The following LDB2 variants were observed in gnomAD, a reference collection of about 807,000 sequenced individuals.
LDB2 encodes LIM domain binding 2.
In LDB2, 12 loss-of-function variants were observed where a neutral mutation model predicts 44.3. That is an observed-to-expected ratio of 0.27 (90% CI 0.17 to 0.44). LDB2 has a LOEUF of 0.44. LDB2 is among the 20% of genes least tolerant of loss of function. The pLI is 1.00. For missense variants in LDB2, 344 were observed against 473.5 expected, an observed-to-expected ratio of 0.73 and a Z score of 2.54; for synonymous variants, 164 against 174.8, an observed-to-expected ratio of 0.94 and a Z score of 0.49.
intron 2 of LDB2, among the ~76,000 whole-genome samples, chr4:16,622,611 G>A (rs1250754612): frequency 6.6e-6 from 1 of 152,164 alleles, no homozygotes; most frequent in Non-Finnish European, 1.5e-5. Flanking sequence ...ACTATTAAGG[G>A]GTTTGAGCAA....
chr4:16,869,315 A>AC (rs1223749285), intron 1 of LDB2, among the ~76,000 whole-genome samples: 3 of 151,808 alleles, frequency 2.0e-5, no homozygotes. Context: ...TAAAAAAAAA[A>AC]AAAACTCAGA....
chr4:16,881,409 G>A (rs1192378209), intron 1 of LDB2, among the ~76,000 whole-genome samples: 3 of 152,204 alleles, frequency 2.0e-5, no homozygotes, highest in African/African-American at 7.2e-5. Context: ...TGGGACTAGC[G>A]ATTGGTAAGT....
intron 2 of LDB2, among the ~76,000 whole-genome samples, chr4:16,724,928 T>C (rs932380802): frequency 6.6e-6 from 1 of 152,124 alleles, no homozygotes; most frequent in African/African-American, 2.4e-5. Flanking sequence ...TTTAGAAGCA[T>C]AGGAAGGTTA....
At chr4:16,872,844 A>G (rs1717103464) in intron 1 of LDB2, among the ~76,000 whole-genome samples, 1 of 152,256 alleles carries the variant, frequency 6.6e-6, no homozygotes, top group Non-Finnish European at 1.5e-5. Flanking sequence ...AAGATCAGAA[A>G]ATATGTTTCC....
intron 2 of LDB2, among the ~76,000 whole-genome samples, chr4:16,684,605 G>A (rs959938612): frequency 4.6e-5 from 7 of 152,164 alleles, no homozygotes; most frequent in African/African-American, 1.7e-4. Context: ...TCTAGATAGC[G>A]AAACCTTGTT....
intron 5 of LDB2, among the ~76,000 whole-genome samples, chr4:16,515,491 C>T (rs1420288521): frequency 3.3e-5 from 5 of 152,172 alleles, no homozygotes; most frequent in African/African-American, 9.7e-5. Flanking sequence ...ACTTCATTGC[C>T]TTTCCAAGCC....
intron 1 of LDB2, among the ~76,000 whole-genome samples, chr4:16,801,027 G>T (rs1777727914): frequency 6.6e-6 from 1 of 152,156 alleles, no homozygotes; most frequent in East Asian, 1.9e-4. Flanking sequence ...ATGGGACACT[G>T]TCCCCATACT....
At chr4:16,798,246 A>T (rs1036816958) in intron 1 of LDB2, among the ~76,000 whole-genome samples, 24 of 152,012 alleles carry the variant, frequency 1.6e-4, no homozygotes, top group Admixed American at 1.4e-3. Context: ...CTTTCTCTGC[A>T]TTGTGAATAT....
At chr4:16,897,934 ATATACACATATG>A (rs1430763708) in intron 1 of LDB2, among the ~76,000 whole-genome samples, 3 of 16,814 alleles carry the variant, frequency 1.8e-4, no homozygotes, top group African/African-American at 4.0e-4. Flanking sequence ...ATATATATAT[ATATACACATATG>A]TATATATATA....
intron 1 of LDB2, among the ~76,000 whole-genome samples, chr4:16,877,347 T>C (rs1718738059): frequency 6.6e-6 from 1 of 152,222 alleles, no homozygotes; most frequent in Admixed American, 6.5e-5. Context: ...TTTCTAGGGA[T>C]CTTTCAAGCT....
chr4:16,646,328 A>G (rs1736786410), intron 2 of LDB2, among the ~76,000 whole-genome samples: 1 of 152,188 alleles, frequency 6.6e-6, no homozygotes, highest in South Asian at 2.1e-4. Flanking sequence ...ACTGTAAATT[A>G]TATATTAACT....
At chr4:16,739,352 C>T (rs796916842) in intron 2 of LDB2, among the ~76,000 whole-genome samples, 2 of 150,504 alleles carry the variant, frequency 1.3e-5, no homozygotes, top group African/African-American at 4.9e-5. Flanking sequence ...TTTGGGAGGC[C>T]GAGGCAGGCA....
At chr4:16,805,555 G>A (rs972489997) in intron 1 of LDB2, among the ~76,000 whole-genome samples, 1 of 152,186 alleles carries the variant, frequency 6.6e-6, no homozygotes, top group African/African-American at 2.4e-5. Context: ...TTGGAGTAGA[G>A]AGAAAATCCA....
intron 2 of LDB2, among the ~76,000 whole-genome samples, chr4:16,758,415 G>A (rs1235649525): frequency 6.6e-6 from 1 of 152,158 alleles, no homozygotes; most frequent in Non-Finnish European, 1.5e-5. Flanking sequence ...GTGCAACACT[G>A]ATTTCTGAAA....
chr4:16,514,781 G>C (rs1188098937), intron 5 of LDB2, among the ~76,000 whole-genome samples: 2 of 152,158 alleles, frequency 1.3e-5, no homozygotes, highest in Non-Finnish European at 2.9e-5. Flanking sequence ...CTTCAATCTT[G>C]CTTACTTTGA....
intron 1 of LDB2, among the ~76,000 whole-genome samples, chr4:16,879,685 ACAG>A (rs1333437943): frequency 6.6e-5 from 10 of 152,146 alleles, no homozygotes; most frequent in Non-Finnish European, 1.3e-4. Context: ...CAGCTTGCAA[ACAG>A]CAGATCATGG....
At chr4:16,863,811 C>T (rs1181129053) in intron 1 of LDB2, among the ~76,000 whole-genome samples, 1 of 152,166 alleles carries the variant, frequency 6.6e-6, no homozygotes, top group African/African-American at 2.4e-5. Flanking sequence ...CAGGCACCCG[C>T]CACCACGCCC....
intron 2 of LDB2, among the ~76,000 whole-genome samples, chr4:16,648,202 G>A (rs1372953475): frequency 1.3e-5 from 2 of 152,200 alleles, no homozygotes; most frequent in Non-Finnish European, 2.9e-5. Flanking sequence ...AGGAAGTTGA[G>A]TCTTGGAGAG....
chr4:16,889,575 C>T (rs1722757957), intron 1 of LDB2, among the ~76,000 whole-genome samples: 1 of 152,180 alleles, frequency 6.6e-6, no homozygotes, highest in East Asian at 1.9e-4. Context: ...CCTACTGGAA[C>T]TGTAGGCAAT....
Sources: allele counts gnomAD v4.1 joint callset (sites outside exome capture counted in the v4.1 genomes callset), GRCh38; gene constraint gnomAD v4.1.1; transcripts MANE v1.5; gene names NCBI Gene and HGNC (gene_info 2026-07-23, HGNC 2026-07-21).